The following BRINP3 variants were observed in gnomAD, a reference collection of about 807,000 sequenced individuals.
BRINP3 encodes the protein BMP/retinoic acid-inducible neural-specific protein 3.
A neutral mutation model predicts 71.0 loss-of-function variants in BRINP3; 19 were observed. The observed-to-expected ratio is 0.27, with a 90% confidence interval of 0.19 to 0.39. The LOEUF (loss-of-function observed/expected upper bound fraction) is 0.39, where lower values mean the gene tolerates loss of function less well. BRINP3 is among the 10% of genes least tolerant of loss of function. The probability of loss-of-function intolerance (pLI) is 1.00; values close to 1 mark genes in which losing one functional copy is unlikely to be tolerated. For missense variants in BRINP3, 959 were observed against 940.8 expected (o/e 1.02, Z -0.25); for synonymous variants, 380 against 337.7 (o/e 1.13, Z -1.37).
At chr1:190,341,309 T>C (rs1667640611) in intron 2 of BRINP3, among the ~76,000 whole-genome samples, 1 of 151,900 alleles carries the variant, frequency 6.6e-6, no homozygotes, top group East Asian at 1.9e-4. Flanking sequence ...TCACTTTTAA[T>C]GTTTTTCATG....
intron 6 of BRINP3, among the ~76,000 whole-genome samples, chr1:190,173,810 T>G (rs1652245090): frequency 2.0e-5 from 3 of 152,178 alleles, no homozygotes; most frequent in Admixed American, 6.6e-5. Context: ...CCCAATTTTT[T>G]GTGAGATTAG....
Position 190,121,214 on chromosome 1 carries a change from CTACTG to C in BRINP3, c.1185-22085_1185-22081del, listed in dbSNP as rs574863975. Among the ~76,000 whole-genome samples, 203 of 152,146 alleles carry C rather than the reference CTACTG, an allele frequency of 1.3e-3. 1 individual carries two copies. Among genetic ancestry groups the C allele is most frequent in the African/African-American group, 4.6e-3 (191 of 41,518 alleles). Reference sequence around the variant, plus strand: ...TTACTTGGTTAAGAGCAGACTGCCACTACTGTACTGTACTGTACTGTACTGGTACG... The same window carrying C: ...TTACTTGGTTAAGAGCAGACTGCCACTACTGTACTGTACTGTACTGGTACG... On this transcript the variant is annotated intron_variant, in intron 7 of 7. Coordinates refer to ENST00000367462, the MANE Select transcript of BRINP3 (RefSeq NM_199051.3).
At chr1:190,393,596 T>C (rs1234343915) in intron 2 of BRINP3, among the ~76,000 whole-genome samples, 1 of 151,620 alleles carries the variant, frequency 6.6e-6, no homozygotes, top group East Asian at 1.9e-4. Flanking sequence ...ATTAGAAAAC[T>C]TTAGACATAA....
intron 2 of BRINP3, among the ~76,000 whole-genome samples, chr1:190,316,944 G>T (rs941898643): frequency 1.3e-5 from 2 of 151,866 alleles, no homozygotes; most frequent in African/African-American, 4.8e-5. Flanking sequence ...AGGCTGAGGT[G>T]GGCGGATCAC....
chr1:190,171,633 TATA>T (rs1483073361), intron 6 of BRINP3, among the ~76,000 whole-genome samples: 2 of 152,174 alleles, frequency 1.3e-5, no homozygotes, highest in African/African-American at 2.4e-5. Context: ...AATGAAAATG[TATA>T]ATAATTATTA....
chr1:190,397,961 T>C (rs1671685310), intron 2 of BRINP3, among the ~76,000 whole-genome samples: 1 of 151,928 alleles, frequency 6.6e-6, no homozygotes, highest in Admixed American at 6.6e-5. Flanking sequence ...AATGATACCA[T>C]AGAATTAATA....
At chr1:190,236,943 A>G (rs1658579371) in intron 4 of BRINP3, among the ~76,000 whole-genome samples, 1 of 151,790 alleles carries the variant, frequency 6.6e-6, no homozygotes, top group South Asian at 2.1e-4. Context: ...TTAAGCTCAT[A>G]CTCATTGACA....
intron 1 of BRINP3, among the ~76,000 whole-genome samples, chr1:190,476,995 T>C (rs1043403071): frequency 3.9e-5 from 6 of 152,184 alleles, no homozygotes; most frequent in South Asian, 2.1e-4. Context: ...TTGCTTATCA[T>C]GAACAAATGC....
chr1:190,331,297 A>C (rs2103080403), intron 2 of BRINP3, among the ~76,000 whole-genome samples: 1 of 152,042 alleles, frequency 6.6e-6, no homozygotes, highest in East Asian at 1.9e-4. Flanking sequence ...TGGTTGAACA[A>C]TGTATGTACC....
At chr1:190,215,543 A>T (rs1023271680) in intron 6 of BRINP3, among the ~76,000 whole-genome samples, 87 of 152,120 alleles carry the variant, frequency 5.7e-4, no homozygotes, top group African/African-American at 2.0e-3. Flanking sequence ...GAAAATTAAT[A>T]GTTTACATAA....
chr1:190,237,503 T>A (rs1658633606), intron 4 of BRINP3, among the ~76,000 whole-genome samples: 1 of 151,970 alleles, frequency 6.6e-6, no homozygotes, highest in African/African-American at 2.4e-5. Context: ...CTATCATTTT[T>A]AATAATAAAA....
intron 2 of BRINP3, among the ~76,000 whole-genome samples, chr1:190,286,066 A>G (rs1475618875): frequency 1.3e-5 from 2 of 152,130 alleles, no homozygotes. Flanking sequence ...TCAAGACACC[A>G]CTGTGATATA....
intron 7 of BRINP3, among the ~76,000 whole-genome samples, chr1:190,108,721 T>G (rs1452150492): frequency 1.3e-5 from 2 of 151,062 alleles, no homozygotes; most frequent in Non-Finnish European, 2.9e-5. Context: ...AATCCTTGGT[T>G]TTCCAGACAA....
chr1:190,182,077 T>C (rs554131352), intron 6 of BRINP3, among the ~76,000 whole-genome samples: 5 of 152,170 alleles, frequency 3.3e-5, no homozygotes, highest in Admixed American at 1.3e-4. Flanking sequence ...ATTTTCTACC[T>C]ATAGGTAAAT....
At chr1:190,175,920 C>T (rs1652464217) in intron 6 of BRINP3, among the ~76,000 whole-genome samples, 1 of 152,114 alleles carries the variant, frequency 6.6e-6, no homozygotes, top group South Asian at 2.1e-4. Context: ...ATCATGGAGG[C>T]TCTATATTCT....
At chr1:190,282,192 G>C (rs577313426) in intron 2 of BRINP3, among the ~76,000 whole-genome samples, 1 of 150,322 alleles carries the variant, frequency 6.7e-6, no homozygotes, top group Non-Finnish European at 1.5e-5. Context: ...AAAAACCTCA[G>C]GAATATTAAG....
At chr1:190,177,975 T>C (rs999730167) in intron 6 of BRINP3, among the ~76,000 whole-genome samples, 2 of 152,200 alleles carry the variant, frequency 1.3e-5, no homozygotes, top group Admixed American at 6.5e-5. Context: ...TTAGGTTGTA[T>C]TAAGTATTAT....
intron 3 of BRINP3, among the ~76,000 whole-genome samples, chr1:190,277,842 A>G (rs1047205290): frequency 1.3e-5 from 2 of 151,804 alleles, no homozygotes; most frequent in Non-Finnish European, 2.9e-5. Context: ...AGATATTCAA[A>G]CAGTGATGGA....
intron 2 of BRINP3, among the ~76,000 whole-genome samples, chr1:190,339,674 C>T (rs1373468857): frequency 6.6e-6 from 1 of 151,830 alleles, no homozygotes; most frequent in East Asian, 1.9e-4. Context: ...CTGCCAACCG[C>T]CTCCCGTACT....
Sources: gnomAD v4.1 joint callset for allele counts (sites outside exome capture counted in the v4.1 genomes callset) on GRCh38, gnomAD v4.1.1 for gene constraint, MANE v1.5 for transcripts, NCBI Gene and HGNC (gene_info 2026-07-23, HGNC 2026-07-21) for gene names.